The following UIMC1 variants were observed in gnomAD, a reference collection of about 807,000 sequenced individuals.
The protein encoded by UIMC1 is ubiquitin interaction motif containing 1.
UIMC1 carries 42 observed loss-of-function variants against 84.9 expected under a neutral mutation model. The observed-to-expected ratio is 0.49, with a 90% CI of 0.39 to 0.64. The LOEUF (loss-of-function observed/expected upper bound fraction) is 0.64, where lower values mean the gene tolerates loss of function less well. UIMC1 is among the 30% of genes least tolerant of loss of function. The probability of loss-of-function intolerance (pLI) is 0.00; values close to 1 mark genes in which losing one functional copy is unlikely to be tolerated. For missense variants in UIMC1, 825 were observed against 847.6 expected (o/e 0.97, Z 0.33); for synonymous variants, 281 against 293.0 (o/e 0.96, Z 0.42).
At chr5:176,970,639 C>A in intron 4 of UIMC1, 103 bp downstream of exon 4, 1 of 1,577,088 alleles carries the variant, frequency 6.3e-7, no homozygotes, top group Non-Finnish European at 8.7e-7. Flanking sequence ...AGGTGAAAAC[C>A]CTATAAATGA....
rs973585586 is a variant in UIMC1, at chr5:177,006,752, A to T, written c.-111T>A. On this transcript the variant is annotated 5_prime_UTR_variant, in exon 1 of 15. Transcript: ENST00000511320. ...GGAGGGGGAGGGGCGCGCGCGTCCG[A>T]TGCCAGAGACACGCTCTCGGGGCGG... The T allele has an allele frequency of 6.6e-6, 1 of 152,200 alleles. No homozygotes were observed. Among genetic ancestry groups the T allele is most frequent in the Non-Finnish European group, 1.5e-5 (1 of 68,060 alleles). 9.4% of individuals were successfully genotyped at this position (152,200 alleles called of 1,614,324 possible).
chr5:176,993,750 G>A (rs1255486044), intron 1 of UIMC1, among the ~76,000 whole-genome samples: 5 of 152,126 alleles, frequency 3.3e-5, no homozygotes, highest in African/African-American at 4.8e-5. Flanking sequence ...GCTCACGCCT[G>A]TAATCCCACC....
At chr5:176,948,837 A>C (rs754041006) in intron 9 of UIMC1, among the ~76,000 whole-genome samples, 6 of 152,134 alleles carry the variant, frequency 3.9e-5, no homozygotes, top group Non-Finnish European at 7.4e-5. Flanking sequence ...TAAACAAGAA[A>C]TTTTAGGACA....
rs138979385 is a variant in UIMC1, at chr5:176,954,095, A to G, written c.1339+1864T>C. ...CAGCAAACAGTTGGACTTAATTAGC[A>G]GGCTAATGACAGCAAGTCATGATCA... is the stretch of plus-strand genomic sequence containing the variant. On this transcript the variant is annotated intron_variant, in intron 8 of 14. Transcript: ENST00000511320. 3.6e-3 allele frequency among the ~76,000 whole-genome samples: 552 copies of G among 152,342 alleles called. 4 individuals carry two copies. Among genetic ancestry groups the G allele is most frequent in the African/African-American group, 0.013 (533 of 41,568 alleles).
rs1307281920 is a variant in UIMC1 at position 177,022,475 on chromosome 5, TGA to T, written c.-22_-21del. ...TATCAAGGGCTGACCGTGAGCAAGG[TGA>T]GAGCCATGAGCCAAAACCACACGAG... On this transcript the variant is annotated 5_prime_UTR_variant, in exon 1 of 6. Coordinates refer to the UIMC1 transcript ENST00000509236. The T allele has an allele frequency of 9.1e-5, 41 of 451,592 alleles. No individual in the cohort carries two copies. In the East Asian group the frequency reaches 1.4e-3, roughly 16 times the overall value. The allele number at this position is 451,592 out of a possible 1,614,324, so 28.0% of individuals were successfully genotyped here.
chr5:176,983,363 T>G (rs1472588990), intron 1 of UIMC1, among the ~76,000 whole-genome samples: 1 of 151,538 alleles, frequency 6.6e-6, no homozygotes. Context: ...GCCTGCCAAG[T>G]GCCTGGGATT....
chr5:176,987,755 T>C (rs992070797), intron 1 of UIMC1, among the ~76,000 whole-genome samples: 4 of 151,440 alleles, frequency 2.6e-5, no homozygotes, highest in African/African-American at 9.7e-5. Context: ...GCCCAGGAGG[T>C]TGAGGCTGCA....
At chr5:176,961,962 C>G (rs1197275948) in intron 6 of UIMC1, among the ~76,000 whole-genome samples, 2 of 70,118 alleles carry the variant, frequency 2.9e-5, no homozygotes, top group East Asian at 5.4e-4. Context: ...GCCCCCCGCC[C>G]GGCCAGCCGC....
At chr5:176,927,062 A>G (rs1301512795) in intron 10 of UIMC1, among the ~76,000 whole-genome samples, 1 of 152,154 alleles carries the variant, frequency 6.6e-6, no homozygotes, top group Non-Finnish European at 1.5e-5. Context: ...AGTCACTGTT[A>G]TTATAAAGAC....
intron 4 of UIMC1, chr5:176,970,271 CAAAAAAAAA>C (rs57976266): frequency 6.8e-5 from 5 of 73,260 alleles, no homozygotes; most frequent in South Asian, 5.7e-4. Context: ...GACTCCATCT[CAAAAAAAAA>C]AAAAAAAAAA....
In UIMC1 at chr5:177,021,708, A is replaced by C. The variant is rs185526720; in HGVS notation, c.-9+756T>G. On this transcript the variant is annotated intron_variant, in intron 1 of 5. Transcript: ENST00000509236. ...GCTCTTGTTGCCCAGGCTGGGGTGC[A>C]ATGGCGCCAGCTCGGCTCACAGCAA... is the stretch of plus-strand genomic sequence containing the variant. Among the ~76,000 whole-genome samples the C allele has an allele frequency of 2.8e-4, 43 of 151,812 alleles. No homozygotes were observed. In the East Asian group the frequency reaches 7.8e-3, roughly 27 times the overall value.
chr5:176,967,252 A>G (rs2149480845), intron 6 of UIMC1, among the ~76,000 whole-genome samples: 1 of 152,294 alleles, frequency 6.6e-6, no homozygotes, highest in East Asian at 1.9e-4. Flanking sequence ...CTGTAACAGT[A>G]AACTCTGACT....
chr5:176,984,714 T>G (rs964902402), intron 1 of UIMC1, among the ~76,000 whole-genome samples: 1 of 152,060 alleles, frequency 6.6e-6, no homozygotes, highest in Non-Finnish European at 1.5e-5. Flanking sequence ...TAGAAAGAAG[T>G]AGACATAGGA....
chr5:176,975,290 G>T, intron 3 of UIMC1, 106 bp downstream of exon 3: 5 of 1,079,208 alleles, frequency 4.6e-6, no homozygotes, highest in Non-Finnish European at 6.6e-6. Flanking sequence ...AACTTTTCTT[G>T]AATCTATCAG....
chr5:176,962,012 C>T (rs1279038497), intron 6 of UIMC1, among the ~76,000 whole-genome samples: 7 of 61,010 alleles, frequency 1.1e-4, no homozygotes, highest in East Asian at 5.8e-4. Context: ...CCCCCCTGCC[C>T]GGCCAGCCGC....
chr5:176,946,885 G>C (rs558630204), intron 9 of UIMC1, among the ~76,000 whole-genome samples: 1 of 152,238 alleles, frequency 6.6e-6, no homozygotes, highest in East Asian at 1.9e-4. Flanking sequence ...GATGGCAGGG[G>C]GGTAAAGGGG....
At chr5:176,933,402 T>C (rs1193936407) in intron 10 of UIMC1, among the ~76,000 whole-genome samples, 1 of 152,248 alleles carries the variant, frequency 6.6e-6, no homozygotes, top group Non-Finnish European at 1.5e-5. Context: ...AGAATATCCC[T>C]CAGTATTTGG....
chr5:176,969,863 C>CTA (rs1768931390), intron 4 of UIMC1, 157 bp from the exon 5 acceptor site: 4 of 645,002 alleles, frequency 6.2e-6, no homozygotes, highest in Non-Finnish European at 1.1e-5. Context: ...TGCTGAATGT[C>CTA]TATGTGCAAA....
Position 176,982,547 on chromosome 5 carries a change from T to C in UIMC1, c.69A>G (p.Glu23=). Residue 23 remains glutamate, a synonymous_variant, in exon 2 of 15, where the codon GAA becomes GAG. Coordinates refer to ENST00000511320, the MANE Select transcript of UIMC1 (RefSeq NM_001199298.2). ...ESRNLEKKDV[E]TTSSVSVKRK... is the part of the protein sequence containing the mutation. ...TCTTCACACTGACAGAACTGGTAGT[T>C]TCCACATCCTTCTTCTCCAGGTTCC... The C allele has an allele frequency of 6.2e-7, 1 of 1,614,120 alleles. No individual in the cohort carries two copies. Among genetic ancestry groups the C allele is most frequent in the East Asian group, 2.2e-5 (1 of 44,878 alleles).
Sources: gnomAD v4.1 joint callset for allele counts (sites outside exome capture counted in the v4.1 genomes callset) on GRCh38, gnomAD v4.1.1 for gene constraint, MANE v1.5 for transcripts, NCBI Gene and HGNC (gene_info 2026-07-23, HGNC 2026-07-21) for gene names.